The following ECHDC3 variants were observed in gnomAD, a reference collection of about 807,000 sequenced individuals.
The protein encoded by ECHDC3 is enoyl-CoA hydratase domain-containing protein 3, mitochondrial.
ECHDC3 carries 20 observed loss-of-function variants against 17.9 expected under a neutral mutation model. That is an observed-to-expected ratio of 1.12 (90% CI 0.79 to 1.63). The LOEUF (loss-of-function observed/expected upper bound fraction) is 1.63. Among genes scored for constraint, ECHDC3 ranks in the 40% most tolerant of loss-of-function variants. The probability of loss-of-function intolerance (pLI) is 0.00; values close to 1 mark genes in which losing one functional copy is unlikely to be tolerated. For synonymous variants in ECHDC3, 177 were observed against 149.7 expected, an observed-to-expected ratio of 1.18 and a Z score of -1.33; for missense variants, 407 against 357.7, an observed-to-expected ratio of 1.14 and a Z score of -1.11.
chr10:11,759,227 G>A (rs183715075), intron 4 of ECHDC3, among the ~76,000 whole-genome samples: 2 of 152,196 alleles, frequency 1.3e-5, no homozygotes, highest in East Asian at 1.9e-4. Context: ...GGTGGCGCAT[G>A]CCTGTAATCC....
At chr10:11,743,245 T>C (rs1832716973) in intron 1 of ECHDC3, among the ~76,000 whole-genome samples, 1 of 152,134 alleles carries the variant, frequency 6.6e-6, no homozygotes, top group Non-Finnish European at 1.5e-5. Flanking sequence ...CCCTACCCCC[T>C]CCAGGCCTGA....
rs181139699 is a variant in ECHDC3, at chr10:11,756,897, G to A, written c.591+1289G>A. Among the ~76,000 whole-genome samples the A allele has an allele frequency of 2.6e-3, 397 of 152,144 alleles. 1 individual carries two copies. The highest frequency in any genetic ancestry group is 0.01 in the Middle Eastern group (3 of 294). ...ATTACAGGCACGTGCCACCATACCC[G>A]GCTAATTTTGTATTTTTCGTAGAGA... On this transcript the variant is annotated intron_variant, in intron 4 of 4. Transcript: ENST00000379215.
In ECHDC3 at chr10:11,763,216, C is replaced by T. The variant is rs779426540; in HGVS notation, c.592-8C>T. 2.2e-5 allele frequency: 17 copies of T among 768,514 alleles called. No homozygotes were observed. The highest frequency in any genetic ancestry group is 3.9e-5 in the Non-Finnish European group (16 of 413,010). The allele number at this position is 768,514 out of a possible 1,614,324, so 47.6% of individuals were successfully genotyped here. On this transcript the variant is annotated splice_region_variant and splice_polypyrimidine_tract_variant and intron_variant, in intron 4 of 4. Coordinates refer to ENST00000379215, the MANE Select transcript of ECHDC3 (RefSeq NM_024693.5). The surrounding 1 kb of genome is among the most constrained non-coding windows in gnomAD (Gnocchi z 4.9). ...AGCACCTCAGTGACATCCCGTGTCTCCCCGTAGGTGGCCTTGGAGATGCTC... is the reference window on the plus strand; with the variant it reads ...AGCACCTCAGTGACATCCCGTGTCTTCCCGTAGGTGGCCTTGGAGATGCTC...
intron 4 of ECHDC3, among the ~76,000 whole-genome samples, chr10:11,758,928 C>T (rs1457986912): frequency 6.6e-6 from 1 of 152,246 alleles, no homozygotes; most frequent in African/African-American, 2.4e-5. Context: ...GCTGTGGTCT[C>T]AATGCTGTGT....
At chr10:11,751,158 G>A (rs1832819159) in intron 3 of ECHDC3, among the ~76,000 whole-genome samples, 1 of 152,196 alleles carries the variant, frequency 6.6e-6, no homozygotes, top group Non-Finnish European at 1.5e-5. Flanking sequence ...AAGCATCAAA[G>A]AGAACCAGTA....
chr10:11,755,384 G>A (rs745419108), intron 3 of ECHDC3, 24 bp from the exon 4 acceptor site: 3 of 1,527,428 alleles, frequency 2.0e-6, no homozygotes, highest in South Asian at 2.3e-5. Context: ...GGGTGGAAAT[G>A]AAGTAGGTGT....
At chr10:11,750,414 C>T (rs1832811033) in intron 3 of ECHDC3, among the ~76,000 whole-genome samples, 1 of 152,212 alleles carries the variant, frequency 6.6e-6, no homozygotes, top group Admixed American at 6.5e-5. Flanking sequence ...ATAATCACCA[C>T]CTCCAAGTAG....
At chr10:11,747,970 G>T (rs776804311) in intron 2 of ECHDC3, among the ~76,000 whole-genome samples, 1 of 152,036 alleles carries the variant, frequency 6.6e-6, no homozygotes, top group African/African-American at 2.4e-5. Flanking sequence ...TGATGGGACT[G>T]GTATAAATAA....
chr10:11,751,803 C>T (rs140757846), intron 3 of ECHDC3, among the ~76,000 whole-genome samples: 241 of 152,260 alleles, frequency 1.6e-3, no homozygotes, highest in African/African-American at 5.0e-3. Context: ...AGTTTGGAGA[C>T]GGAAACTCTA....
intron 3 of ECHDC3, among the ~76,000 whole-genome samples, chr10:11,752,683 C>T (rs1339685748): frequency 6.6e-6 from 1 of 151,962 alleles, no homozygotes; most frequent in Admixed American, 6.6e-5. Flanking sequence ...ATTTTAAGTA[C>T]TTTAGATATG....
intron 1 of ECHDC3, among the ~76,000 whole-genome samples, chr10:11,743,161 A>T (rs1461348785): frequency 2.0e-5 from 3 of 152,184 alleles, no homozygotes; most frequent in Non-Finnish European, 4.4e-5. Flanking sequence ...CCTTGTGGCT[A>T]CGGGCCCAAA....
Position 11,747,562 on chromosome 10 carries a change from G to C in ECHDC3, c.292+92G>C, listed in dbSNP as rs1211412914. On this transcript the variant is annotated intron_variant, in intron 2 of 4. Coordinates refer to ENST00000379215, the MANE Select transcript of ECHDC3 (RefSeq NM_024693.5). Reference sequence around the variant, plus strand: ...ACTGGGGCATCCCTTTATTTAACTGGAGAATTGTTTTGAAGCTCCTTTACA... The same window carrying C: ...ACTGGGGCATCCCTTTATTTAACTGCAGAATTGTTTTGAAGCTCCTTTACA... The C allele has an allele frequency of 4.7e-6, 7 of 1,475,754 alleles. No individual in the cohort carries two copies. The East Asian group carries it at 1.4e-4, about 29-fold the overall frequency. The allele number at this position is 1,475,754 out of a possible 1,614,324, so 91.4% of individuals were successfully genotyped here.
Position 11,742,477 on chromosome 10 carries a change from G to T in ECHDC3, c.-100G>T. 8.6e-7 allele frequency: 1 copy of T among 1,161,874 alleles called. No homozygotes were observed. Among genetic ancestry groups the T allele is most frequent in the South Asian group, 3.9e-5 (1 of 25,492 alleles). The allele number at this position is 1,161,874 out of a possible 1,614,324, so 72.0% of individuals were successfully genotyped here. A position where few individuals can be genotyped will look rare whatever the true frequency, so the allele number is the denominator to read the frequency against. ...CTCGGCCACCGTCGAGTTCCGTCGA[G>T]TTCCGTCCCGGCCCTGCTCACAGCA... On this transcript the variant is annotated 5_prime_UTR_variant, in exon 1 of 5. Coordinates refer to ENST00000379215, the MANE Select transcript of ECHDC3 (RefSeq NM_024693.5).
At position 11,742,441 on chromosome 10, in the gene ECHDC3, T is replaced by C; in HGVS notation, c.-136T>C. 1 of 893,280 alleles carries C rather than the reference T, an allele frequency of 1.1e-6. No individual in the cohort carries two copies. Among genetic ancestry groups the C allele is most frequent in the Non-Finnish European group, 1.5e-6 (1 of 688,684 alleles). 55.3% of individuals were successfully genotyped at this position (893,280 alleles called of 1,614,324 possible). A position where few individuals can be genotyped will look rare whatever the true frequency, so the allele number is the denominator to read the frequency against. ...GCGAAGCCTGGGCCTGTCAGGCGGTTCCGTCCGGGTCTCGGCCACCGTCGA... is the reference window on the plus strand; with the variant it reads ...GCGAAGCCTGGGCCTGTCAGGCGGTCCCGTCCGGGTCTCGGCCACCGTCGA... On this transcript the variant is annotated 5_prime_UTR_variant, in exon 1 of 5. Transcript: ENST00000379215.
rs1319815733 is a variant in ECHDC3, at chr10:11,747,455, G to A, written c.277G>A (p.Val93Ile). 1.2e-6 allele frequency: 2 copies of A among 1,613,764 alleles called. No homozygotes were observed. The highest frequency in any genetic ancestry group is 1.7e-5 in the Admixed American group (1 of 60,002). The change falls in exon 2 of 5, where the codon GTC (valine) becomes ATC (isoleucine). Residue 93 changes from valine (V) to isoleucine (I), a missense_variant. Coordinates refer to ENST00000379215, the MANE Select transcript of ECHDC3 (RefSeq NM_024693.5). ...TGACGCTGACAGCAACGATCTGAAA[G>A]TCATTATCATCTCGGGTATGTATCT... ...LHDADSNDLK[V>I]IIISAEGPVF...
chr10:11,748,574 A>G (rs767253817), intron 2 of ECHDC3, among the ~76,000 whole-genome samples: 23 of 152,160 alleles, frequency 1.5e-4, no homozygotes, highest in Non-Finnish European at 2.9e-4. Flanking sequence ...AAAGACAATA[A>G]TATTGCCTAT....
intron 1 of ECHDC3, among the ~76,000 whole-genome samples, chr10:11,743,774 T>G (rs77466699): frequency 0.033 from 5,044 of 152,362 alleles, 294 homozygotes; most frequent in African/African-American, 0.11. Context: ...AGGGTCTTTC[T>G]TGCCCATTGC....
At position 11,763,487 on chromosome 10, in the gene ECHDC3, G is replaced by T; in HGVS notation, c.855G>T (p.Glu285Asp). ...VDNLALRDGQ[E>D]GITAFLQKRK... ...ACCTGGCCCTGCGGGACGGGCAGGA[G>T]GGCATCACGGCCTTCCTCCAGAAGA... is the stretch of plus-strand genomic sequence containing the variant. Residue 285 changes from glutamate (E) to aspartate (D), a missense_variant, in exon 5 of 5, where the codon GAG (glutamate) becomes GAT (aspartate). Physicochemically the swap from Glu to Asp is conservative, Grantham distance 45. Transcript: ENST00000379215. This position sits in a 1 kb window ranked among gnomAD's most constrained non-coding sequence, Gnocchi z 4.9. The T allele has an allele frequency of 8.4e-7, 1 of 1,194,112 alleles. No individual in the cohort carries two copies. The highest frequency in any genetic ancestry group is 1.2e-6 in the Non-Finnish European group (1 of 812,218). 74.0% of individuals were successfully genotyped at this position (1,194,112 alleles called of 1,614,324 possible).
At chr10:11,749,701 C>G in intron 3 of ECHDC3, 109 bp downstream of exon 3, 3 of 882,846 alleles carry the variant, frequency 3.4e-6, no homozygotes, top group Non-Finnish European at 5.1e-6. Context: ...GACCCAAACA[C>G]CCAGAGCAAC....
Sources: allele counts gnomAD v4.1 joint callset (sites outside exome capture counted in the v4.1 genomes callset), GRCh38; gene constraint gnomAD v4.1.1; non-coding constraint Gnocchi (gnomAD v3.1); transcripts MANE v1.5; gene names NCBI Gene and HGNC (gene_info 2026-07-23, HGNC 2026-07-21).